RDX: variants seen among roughly 807,000 people sequenced by gnomAD.
RDX encodes the protein radixin, also known as deafness, autosomal recessive 24.
RDX carries 32 observed loss-of-function variants against 83.7 expected under a neutral mutation model. The ratio of observed to expected loss-of-function variants is 0.38; its 90% CI spans 0.29 to 0.51. The LOEUF is 0.51. Ranked by LOEUF, RDX falls within the 20% of genes least tolerant of loss-of-function variation. The probability of loss-of-function intolerance (pLI) is 0.87; values close to 1 mark genes in which losing one functional copy is unlikely to be tolerated. For missense variants in RDX, 600 were observed against 689.9 expected, an observed-to-expected ratio of 0.87 and a Z score of 1.46; for synonymous variants, 229 against 222.7, an observed-to-expected ratio of 1.03 and a Z score of -0.25.
intron 1 of RDX, among the ~76,000 whole-genome samples, chr11:110,281,463 A>T (rs2134427142): frequency 6.6e-6 from 1 of 152,178 alleles, no homozygotes; most frequent in East Asian, 2.0e-4. Context: ...CATAGCTGGA[A>T]TTACAAGCGT....
chr11:110,200,290 C>T (rs998185046), intron 14 of RDX: 4 of 152,746 alleles, frequency 2.6e-5, no homozygotes, highest in African/African-American at 9.7e-5. Context: ...CCTCTGCAGA[C>T]ACGTTGGCAT....
At chr11:110,211,737 G>C (rs1171080526) in intron 14 of RDX, among the ~76,000 whole-genome samples, 1 of 147,904 alleles carries the variant, frequency 6.8e-6, no homozygotes, top group Admixed American at 6.8e-5. Flanking sequence ...AATGACTACT[G>C]GGTACATAAC....
intron 15 of RDX, among the ~76,000 whole-genome samples, chr11:110,181,352 C>T (rs965860858): frequency 6.6e-6 from 1 of 152,086 alleles, no homozygotes; most frequent in Non-Finnish European, 1.5e-5. Context: ...TTAGTAGAGA[C>T]GGGGTTTCAT....
At chr11:110,217,963 T>C (rs1285387017) in intron 14 of RDX, among the ~76,000 whole-genome samples, 1 of 152,256 alleles carries the variant, frequency 6.6e-6, no homozygotes, top group Non-Finnish European at 1.5e-5. Context: ...CCTCAGAGCC[T>C]AACTTGAGGC....
intron 5 of RDX, among the ~76,000 whole-genome samples, chr11:110,258,646 G>A (rs1859658365): frequency 6.6e-6 from 1 of 151,968 alleles, no homozygotes; most frequent in Admixed American, 6.6e-5. Context: ...TAAAAAAATG[G>A]CTCATTGTTA....
intron 5 of RDX, among the ~76,000 whole-genome samples, chr11:110,259,578 C>G (rs1321353826): frequency 6.6e-6 from 1 of 152,198 alleles, no homozygotes; most frequent in African/African-American, 2.4e-5. Flanking sequence ...TTATTATACT[C>G]TGCTCCTTTC....
chr11:110,263,930 C>A, intron 5 of RDX, 30 bp downstream of exon 5: 1 of 1,591,330 alleles, frequency 6.3e-7, no homozygotes, highest in Non-Finnish European at 8.6e-7. Flanking sequence ...AATTTTCAGA[C>A]AATATAATGC....
intron 14 of RDX, among the ~76,000 whole-genome samples, chr11:110,214,798 A>G (rs1863971254): frequency 2.0e-5 from 2 of 102,546 alleles, no homozygotes; most frequent in South Asian, 4.1e-4. Flanking sequence ...CAATGAGATC[A>G]CATGGACACA....
At chr11:110,232,839 T>C (rs1189487205) in intron 13 of RDX, among the ~76,000 whole-genome samples, 2 of 152,180 alleles carry the variant, frequency 1.3e-5, no homozygotes, top group African/African-American at 4.8e-5. Flanking sequence ...GGTCTTGAAC[T>C]CCTGGCCTCA....
intron 14 of RDX, among the ~76,000 whole-genome samples, chr11:110,207,454 C>T (rs1270500340): frequency 1.3e-5 from 2 of 152,118 alleles, no homozygotes; most frequent in Non-Finnish European, 2.9e-5. Context: ...AATAAGACCT[C>T]CCTAGGGTCA....
At chr11:110,198,685 A>AC (rs1367260324) in intron 15 of RDX, among the ~76,000 whole-genome samples, 2 of 151,296 alleles carry the variant, frequency 1.3e-5, no homozygotes, top group African/African-American at 2.4e-5. Context: ...CATCCCCTCC[A>AC]CCCCCCAACC....
At chr11:110,258,975 G>C (rs1254215682) in intron 5 of RDX, among the ~76,000 whole-genome samples, 3 of 147,676 alleles carry the variant, frequency 2.0e-5, no homozygotes, top group Non-Finnish European at 3.0e-5. Flanking sequence ...GGGTTCAAGT[G>C]ATTCTCCTGT....
chr11:110,179,325 A>G (rs1171680649), intron 15 of RDX, among the ~76,000 whole-genome samples: 7 of 152,208 alleles, frequency 4.6e-5, no homozygotes, highest in Admixed American at 3.9e-4. Flanking sequence ...CACGCCAGGA[A>G]GTACCATGCC....
intron 1 of RDX, among the ~76,000 whole-genome samples, chr11:110,290,084 G>C (rs1252919105): frequency 6.8e-6 from 1 of 147,870 alleles, no homozygotes; most frequent in African/African-American, 2.5e-5. Flanking sequence ...CTTATTAAAA[G>C]ATTATCAGTC....
intron 10 of RDX, among the ~76,000 whole-genome samples, chr11:110,241,263 A>T (rs1219193688): frequency 6.6e-6 from 1 of 152,050 alleles, no homozygotes; most frequent in East Asian, 1.9e-4. Context: ...AAATTCAGAT[A>T]ATCAAGCTGG....
chr11:110,233,150 T>G (rs1408765796), intron 13 of RDX, 87 bp downstream of exon 13: 1 of 1,532,726 alleles, frequency 6.5e-7, no homozygotes, highest in Non-Finnish European at 9.0e-7. Context: ...TATTAAAACT[T>G]CTATATTCTT....
At chr11:110,209,665 A>G (rs1044109690) in intron 14 of RDX, among the ~76,000 whole-genome samples, 1 of 147,754 alleles carries the variant, frequency 6.8e-6, no homozygotes, top group Non-Finnish European at 1.5e-5. Context: ...TGCCTCCTCA[A>G]GTGGGTCCCT....
At chr11:110,258,597 T>C (rs1222425569) in intron 5 of RDX, among the ~76,000 whole-genome samples, 2 of 152,088 alleles carry the variant, frequency 1.3e-5, no homozygotes, top group Non-Finnish European at 2.9e-5. Flanking sequence ...AAAGATAGCT[T>C]ATAGGAACCC....
rs377537657 is a variant in RDX at position 110,230,623 on chromosome 11, TTC to T, written c.*1244_*1245del. On this transcript the variant is annotated 3_prime_UTR_variant, in exon 14 of 14. Coordinates refer to ENST00000645495, the MANE Select transcript of RDX (RefSeq NM_002906.4). ...ACACACACACACAGTCTCTCTCTCA[TTC>T]TCTCTCTCTCTTGCTCAGCCATACA... 4.8e-5 allele frequency: 7 copies of T among 145,950 alleles called. No homozygotes were observed. The highest frequency in any genetic ancestry group is 2.2e-4 in the South Asian group (1 of 4,578). The allele number at this position is 145,950 out of a possible 1,614,324, so 9.0% of individuals were successfully genotyped here. A position where few individuals can be genotyped will look rare whatever the true frequency, so the allele number is the denominator to read the frequency against.
Sources: gnomAD v4.1 joint callset for allele counts (sites outside exome capture counted in the v4.1 genomes callset) on GRCh38, gnomAD v4.1.1 for gene constraint, MANE v1.5 for transcripts, NCBI Gene and HGNC (gene_info 2026-07-23, HGNC 2026-07-21) for gene names.